Variants in RC3H1 observed in about 807,000 individuals in gnomAD.
The protein encoded by RC3H1 is ring finger and CCCH-type domains 1, also known as roquin-1.
In RC3H1, 50 loss-of-function variants were observed where a neutral mutation model predicts 138.2. That is an observed-to-expected ratio of 0.36 (90% CI 0.29 to 0.46). The LOEUF (loss-of-function observed/expected upper bound fraction) is 0.46, where lower values mean the gene tolerates loss of function less well. Among genes scored for constraint, RC3H1 ranks in the 20% least tolerant of loss-of-function variants. The pLI is 1.00. For missense variants in RC3H1, 1,031 were observed against 1,388.1 expected (o/e 0.74, Z 4.09); for synonymous variants, 462 against 489.1 (o/e 0.94, Z 0.73).
chr1:173,984,811 T>C (rs866790481), intron 2 of RC3H1, among the ~76,000 whole-genome samples, 192 bp from the exon 3 acceptor site: 14 of 152,230 alleles, frequency 9.2e-5, no homozygotes, highest in African/African-American at 2.9e-4. Flanking sequence ...AACAGCCTAA[T>C]TAAGATATAA....
At chr1:173,983,201 A>G (rs1660892980) in intron 4 of RC3H1, among the ~76,000 whole-genome samples, 1 of 152,224 alleles carries the variant, frequency 6.6e-6, no homozygotes, top group South Asian at 2.1e-4. Context: ...AAAAAAAGAA[A>G]CAACTTTTGG....
At chr1:173,978,734 T>C (rs1486033278) in intron 6 of RC3H1, 114 bp from the exon 7 acceptor site, 19 of 1,099,890 alleles carry the variant, frequency 1.7e-5, no homozygotes, top group South Asian at 6.9e-5. Context: ...TATCTTCCCA[T>C]ATACCCTACA....
chr1:174,007,250 C>T (rs937807117), intron 1 of RC3H1, among the ~76,000 whole-genome samples: 17 of 151,878 alleles, frequency 1.1e-4, no homozygotes, highest in African/African-American at 3.9e-4. Flanking sequence ...ATTAGCCGGG[C>T]GTGGTGGCGG....
At chr1:174,006,919 G>A (rs1661662030) in intron 1 of RC3H1, among the ~76,000 whole-genome samples, 1 of 152,150 alleles carries the variant, frequency 6.6e-6, no homozygotes, top group Non-Finnish European at 1.5e-5. Context: ...GATCAAGAGT[G>A]TTCAGTTCAA....
chr1:173,951,883 A>G (rs1659416073), intron 14 of RC3H1, 103 bp downstream of exon 14: 1 of 1,106,336 alleles, frequency 9.0e-7, no homozygotes, highest in African/African-American at 1.6e-5. Flanking sequence ...ATGGTCTGAA[A>G]CTCTTAAGCA....
intron 1 of RC3H1, among the ~76,000 whole-genome samples, chr1:174,021,490 G>GT (rs200151859): frequency 0.08 from 11,530 of 144,224 alleles, 609 homozygotes; most frequent in East Asian, 0.32. Flanking sequence ...TAAGTTTTTT[G>GT]TTTTTTTTTT....
rs1404539982 is a variant in RC3H1 at position 173,933,695 on chromosome 1, T to A, written c.*5026A>T. The A allele has an allele frequency of 6.6e-6, 1 of 152,028 alleles. No individual in the cohort carries two copies. The highest frequency in any genetic ancestry group is 1.5e-5 in the Non-Finnish European group (1 of 67,958). The allele number at this position is 152,028 out of a possible 1,614,324, so 9.4% of individuals were successfully genotyped here. A position where few individuals can be genotyped will look rare whatever the true frequency, so the allele number is the denominator to read the frequency against. ...CATAAACCTGAGCTGAAGCAACAAA[T>A]AAATATAAAAATCATAGCTGTCCAA... is the stretch of plus-strand genomic sequence containing the variant. On this transcript the variant is annotated 3_prime_UTR_variant, in exon 20 of 20. Transcript: ENST00000367696.
chr1:173,961,705 TA>T lies in RC3H1; in HGVS notation c.2202+19del, dbSNP rs750653341. On this transcript the variant is annotated intron_variant, in intron 12 of 19. Coordinates refer to ENST00000367696, the MANE Select transcript of RC3H1 (RefSeq NM_172071.4). ...CAACAGTCAAATTAAGTCTATGTAA[TA>T]AAAAAAAATACAGCATACTCTGAGG... The T allele has an allele frequency of 2.6e-4, 398 of 1,559,650 alleles. 1 individual carries two copies. Among genetic ancestry groups the T allele is most frequent in the South Asian group, 4.4e-4 (38 of 86,378 alleles).
At chr1:173,971,734 G>A (rs1358541387) in intron 8 of RC3H1, among the ~76,000 whole-genome samples, 2 of 152,158 alleles carry the variant, frequency 1.3e-5, no homozygotes, top group African/African-American at 4.8e-5. Flanking sequence ...GCTTTGACCT[G>A]TGTTAGATAG....
In RC3H1 at chr1:173,938,690, A is replaced by G; in HGVS notation, c.*31T>C. On this transcript the variant is annotated 3_prime_UTR_variant, in exon 20 of 20. Coordinates refer to ENST00000367696, the MANE Select transcript of RC3H1 (RefSeq NM_172071.4). ...CCCTATGCCCGACAAACTGATTAGG[A>G]GCAGAAGATAAAAGTAGGACTCCTC... is the stretch of plus-strand genomic sequence containing the variant. 6.5e-7 allele frequency: 1 copy of G among 1,548,388 alleles called. No homozygotes were observed. The highest frequency in any genetic ancestry group is 1.4e-5 in the African/African-American group (1 of 72,978).
chr1:173,964,035 T>C lies in RC3H1; in HGVS notation c.1769A>G (p.Asp590Gly). Residue 590 changes from aspartate (D) to glycine (G), a missense_variant, in exon 11 of 20, where the codon GAT (aspartate) becomes GGT (glycine). Transcript: ENST00000367696. ...TCCTCGAGGATCCTGATAATAAACA[T>C]CCGTCTGTTGTGCTGGATATAACTG... ...GSQLYPAQQT[D>G]VYYQDPRGAA... 6.2e-7 allele frequency: 1 copy of C among 1,614,138 alleles called. No homozygotes were observed. The highest frequency in any genetic ancestry group is 8.5e-7 in the Non-Finnish European group (1 of 1,180,020).
chr1:173,945,340 G>A (rs1377615104), intron 17 of RC3H1, among the ~76,000 whole-genome samples: 3 of 152,084 alleles, frequency 2.0e-5, no homozygotes, highest in Admixed American at 6.5e-5. Context: ...TGCCCAGGCT[G>A]GTCTCAAACT....
At chr1:173,997,012 T>C (rs1661474037) in intron 1 of RC3H1, among the ~76,000 whole-genome samples, 1 of 152,070 alleles carries the variant, frequency 6.6e-6, no homozygotes, top group Admixed American at 6.6e-5. Context: ...GGTGGATCTC[T>C]TGAGCCCAGG....
intron 2 of RC3H1, among the ~76,000 whole-genome samples, chr1:173,991,310 T>C (rs2103038878): frequency 6.6e-6 from 1 of 152,370 alleles, no homozygotes; most frequent in East Asian, 1.9e-4. Context: ...GATACTTATA[T>C]ACTCATCTTA....
chr1:173,993,675 G>T (rs1002600229), intron 1 of RC3H1, among the ~76,000 whole-genome samples: 3 of 151,102 alleles, frequency 2.0e-5, no homozygotes, highest in African/African-American at 4.9e-5. Flanking sequence ...TTACAGGTGT[G>T]AGCCACCATG....
At chr1:173,995,952 C>G (rs1422877996) in intron 1 of RC3H1, among the ~76,000 whole-genome samples, 1 of 152,162 alleles carries the variant, frequency 6.6e-6, no homozygotes, top group East Asian at 1.9e-4. Flanking sequence ...GACCAGAAAT[C>G]GATGCAATTG....
intron 1 of RC3H1, among the ~76,000 whole-genome samples, chr1:174,000,911 G>C (rs2103066501): frequency 6.6e-6 from 1 of 152,190 alleles, no homozygotes. Flanking sequence ...AATATCTTGT[G>C]AACAAAGACC....
intron 1 of RC3H1, among the ~76,000 whole-genome samples, chr1:173,993,440 G>A (rs1053504920): frequency 6.7e-5 from 10 of 148,208 alleles, no homozygotes; most frequent in African/African-American, 2.0e-4. Context: ...ACGGAATTTC[G>A]CTCCTGTTGC....
intron 13 of RC3H1, among the ~76,000 whole-genome samples, chr1:173,958,953 G>A (rs1242593301): frequency 1.3e-5 from 2 of 151,760 alleles, no homozygotes; most frequent in African/African-American, 4.8e-5. Context: ...TCTGAAACTA[G>A]GATTAGAGAA....
Sources: gnomAD v4.1 joint callset for allele counts (sites outside exome capture counted in the v4.1 genomes callset) on GRCh38, gnomAD v4.1.1 for gene constraint, MANE v1.5 for transcripts, NCBI Gene and HGNC (gene_info 2026-07-23, HGNC 2026-07-21) for gene names.